The following LRP1B variants were observed in gnomAD, a reference collection of about 807,000 sequenced individuals.
LRP1B encodes LDL receptor related protein 1B.
A neutral mutation model predicts 556.6 loss-of-function variants in LRP1B; 217 were observed. The ratio of observed to expected loss-of-function variants is 0.39; its 90% CI spans 0.35 to 0.44. The LOEUF (loss-of-function observed/expected upper bound fraction) is 0.44. Among genes scored for constraint, LRP1B ranks in the 20% least tolerant of loss-of-function variants. LRP1B has a pLI of 1.00. For synonymous variants in LRP1B, 2,047 were observed against 1,865.8 expected, an observed-to-expected ratio of 1.10 and a Z score of -2.50; for missense variants, 5,053 against 5,620.8, an observed-to-expected ratio of 0.90 and a Z score of 3.23.
chr2:140,902,879 C>A, intron 23 of LRP1B, 41 bp downstream of exon 23: 2 of 1,589,958 alleles, frequency 1.3e-6, no homozygotes, highest in South Asian at 1.1e-5. Context: ...CTTTCAAGAT[C>A]TATTCTTAAA....
At chr2:142,031,351 T>TGTCATTTCTAAA (rs1703700024) in intron 1 of LRP1B, among the ~76,000 whole-genome samples, 10 of 128,244 alleles carry the variant, frequency 7.8e-5, no homozygotes, top group South Asian at 5.9e-4. Context: ...TTTTTTTTAT[T>TGTCATTTCTAAA]ATACTCTAAG....
chr2:140,893,237 CAG>C (rs1294943765), intron 23 of LRP1B, among the ~76,000 whole-genome samples: 1 of 152,168 alleles, frequency 6.6e-6, no homozygotes, highest in East Asian at 1.9e-4. Context: ...CTACTTAAAA[CAG>C]AGAAAGCTCT....
intron 2 of LRP1B, among the ~76,000 whole-genome samples, chr2:141,766,741 G>A (rs1694746285): frequency 6.6e-6 from 1 of 152,140 alleles, no homozygotes; most frequent in African/African-American, 2.4e-5. Flanking sequence ...CTGTGTGAAT[G>A]TCTTTCCCAT....
intron 79 of LRP1B, among the ~76,000 whole-genome samples, chr2:140,333,429 G>A (rs1166873948): frequency 1.3e-5 from 2 of 151,956 alleles, no homozygotes; most frequent in African/African-American, 4.8e-5. Context: ...AACAATTTCT[G>A]GCACATGGTA....
intron 84 of LRP1B, among the ~76,000 whole-genome samples, chr2:140,297,235 A>G (rs1022267287): frequency 6.6e-6 from 1 of 152,162 alleles, no homozygotes; most frequent in African/African-American, 2.4e-5. Context: ...GATGGTTTCT[A>G]TTCATATAAA....
chr2:141,173,526 C>G (rs1407057879), intron 7 of LRP1B, among the ~76,000 whole-genome samples: 1 of 152,060 alleles, frequency 6.6e-6, no homozygotes, highest in East Asian at 1.9e-4. Flanking sequence ...ACTATCAGTG[C>G]TCTAGGGATG....
chr2:141,574,990 C>T (rs111729738), intron 2 of LRP1B, among the ~76,000 whole-genome samples: 3,433 of 152,040 alleles, frequency 0.023, 131 homozygotes, highest in African/African-American at 0.079. Context: ...TCCATTCTCA[C>T]GGACAGGAAG....
chr2:141,755,651 T>G (rs1694292546), intron 2 of LRP1B, among the ~76,000 whole-genome samples: 1 of 152,032 alleles, frequency 6.6e-6, no homozygotes, highest in Admixed American at 6.6e-5. Flanking sequence ...CTACAAATGT[T>G]ATTAAGATTT....
At chr2:140,307,779 G>A (rs1166318281) in intron 83 of LRP1B, among the ~76,000 whole-genome samples, 1 of 151,678 alleles carries the variant, frequency 6.6e-6, no homozygotes, top group East Asian at 1.9e-4. Context: ...GTGATAATAA[G>A]TAATGTATTA....
At chr2:141,517,367 C>G (rs907208429) in intron 2 of LRP1B, among the ~76,000 whole-genome samples, 3 of 151,256 alleles carry the variant, frequency 2.0e-5, no homozygotes, top group African/African-American at 7.3e-5. Context: ...TCCCCCAAGG[C>G]AAACTCCTGG....
chr2:140,781,640 TAAGTG>T (rs1211590220), intron 32 of LRP1B, among the ~76,000 whole-genome samples: 1 of 152,138 alleles, frequency 6.6e-6, no homozygotes, highest in Non-Finnish European at 1.5e-5. Flanking sequence ...AGAAAAGAAA[TAAGTG>T]AAGACTGCTA....
At chr2:140,405,457 C>A (rs1684689282) in intron 66 of LRP1B, among the ~76,000 whole-genome samples, 1 of 151,990 alleles carries the variant, frequency 6.6e-6, no homozygotes, top group South Asian at 2.1e-4. Context: ...ATTGAGAAAT[C>A]ATTAGGGAGA....
chr2:140,817,042 G>A (rs568619323), intron 31 of LRP1B, among the ~76,000 whole-genome samples: 3 of 152,064 alleles, frequency 2.0e-5, no homozygotes, highest in Admixed American at 2.0e-4. Flanking sequence ...AGTGATGTCA[G>A]AATGCTAAAT....
intron 62 of LRP1B, among the ~76,000 whole-genome samples, chr2:140,452,269 C>A (rs1382795557): frequency 6.6e-6 from 1 of 152,072 alleles, no homozygotes; most frequent in East Asian, 1.9e-4. Flanking sequence ...TAATCTATTA[C>A]CGTAAACTAA....
intron 35 of LRP1B, among the ~76,000 whole-genome samples, chr2:140,718,550 G>A (rs79831847): frequency 0.021 from 3,160 of 151,786 alleles, 110 homozygotes; most frequent in African/African-American, 0.073. Flanking sequence ...TTGCTTTGCC[G>A]CTTAGAAAAG....
intron 66 of LRP1B, among the ~76,000 whole-genome samples, chr2:140,434,735 CCT>C (rs1686098099): frequency 6.6e-6 from 1 of 152,088 alleles, no homozygotes; most frequent in African/African-American, 2.4e-5. Context: ...CAACTATACC[CCT>C]CTGTTTAGTA....
chr2:140,668,469 A>T (rs1021815780), intron 41 of LRP1B, among the ~76,000 whole-genome samples: 4 of 151,750 alleles, frequency 2.6e-5, no homozygotes, highest in African/African-American at 9.7e-5. Flanking sequence ...GATTTACTGT[A>T]GGCATGTTTT....
At chr2:141,404,954 T>C (rs1481989251) in intron 3 of LRP1B, among the ~76,000 whole-genome samples, 2 of 151,888 alleles carry the variant, frequency 1.3e-5, no homozygotes, top group Non-Finnish European at 2.9e-5. Flanking sequence ...TAGCTGGGTG[T>C]AGTGGTGGGC....
chr2:141,199,691 GTAAT>G (rs571065451), intron 6 of LRP1B, among the ~76,000 whole-genome samples: 96 of 152,166 alleles, frequency 6.3e-4, no homozygotes, highest in African/African-American at 2.2e-3. Context: ...TTACCATTAT[GTAAT>G]TAATTTTGAC....
Sources: gnomAD v4.1 joint callset for allele counts (sites outside exome capture counted in the v4.1 genomes callset) on GRCh38, gnomAD v4.1.1 for gene constraint, MANE v1.5 for transcripts, NCBI Gene and HGNC (gene_info 2026-07-23, HGNC 2026-07-21) for gene names.